Variants in ALMS1 observed in about 807,000 individuals in gnomAD.
ALMS1 encodes ALMS1 centrosome and basal body associated protein.
A neutral mutation model predicts 352.2 loss-of-function variants in ALMS1; 271 were observed. That is an observed-to-expected ratio of 0.77 (90% confidence interval 0.70 to 0.85). The LOEUF is 0.85. Ranked by LOEUF, ALMS1 falls within the 40% of genes least tolerant of loss-of-function variation. The pLI, the probability that ALMS1 is intolerant of heterozygous loss-of-function variation, is 0.00. For synonymous variants in ALMS1, 1,865 were observed against 1,761.2 expected (o/e 1.06, Z -1.48); for missense variants, 5,445 against 4,870.7 (o/e 1.12, Z -3.51).
rs927758031 is a variant in ALMS1, at chr2:73,463,197, G to C, written c.7674+7902G>C. 2.0e-5 allele frequency among the ~76,000 whole-genome samples: 3 copies of C among 152,128 alleles called. No homozygotes were observed. The East Asian group carries it at 5.8e-4, about 29-fold the overall frequency. ...CCGCACCTATTCCAAAACTGACCAC[G>C]TAGTTGGAAGTAAAGCACTCTCAGC... On this transcript the variant is annotated intron_variant, in intron 9 of 22. Coordinates refer to ENST00000613296, the MANE Select transcript of ALMS1 (RefSeq NM_001378454.1).
intron 1 of ALMS1, among the ~76,000 whole-genome samples, chr2:73,394,082 A>G (rs961817211): frequency 1.3e-5 from 2 of 151,978 alleles, no homozygotes; most frequent in South Asian, 2.1e-4. Context: ...CGGCCTCTCA[A>G]TGTGCTGGGA....
chr2:73,454,269 G>A (rs1572939238), intron 8 of ALMS1: 2 of 970,576 alleles, frequency 2.1e-6, no homozygotes, highest in East Asian at 1.1e-4. Context: ...TCCATAAAAA[G>A]CCTATTTAAC....
intron 13 of ALMS1, among the ~76,000 whole-genome samples, chr2:73,551,407 G>A (rs150688640): frequency 1.4e-5 from 2 of 146,646 alleles, no homozygotes; most frequent in Non-Finnish European, 3.0e-5. Context: ...TGATCACTGT[G>A]GGTATTTGAG....
chr2:73,539,956 T>C lies in ALMS1; in HGVS notation c.9907+5007T>C, dbSNP rs553021690. On this transcript the variant is annotated intron_variant, in intron 12 of 22. Coordinates refer to ENST00000613296, the MANE Select transcript of ALMS1 (RefSeq NM_001378454.1). The stretch of plus-strand genomic sequence containing the variant: ...AGTTGGAAAATACTCTGCAGGATAT[T>C]ATCCAGGAGAACTTCCCCAATCTAG... 7.9e-5 allele frequency among the ~76,000 whole-genome samples: 12 copies of C among 152,318 alleles called. 1 individual carries two copies. Among genetic ancestry groups the C allele is most frequent in the African/African-American group, 2.9e-4 (12 of 41,570 alleles).
rs1320374 is a variant in ALMS1, at chr2:73,601,183, T to C, written c.11873-12T>C. The C allele has an allele frequency of 0.62, 1,001,888 of 1,613,652 alleles. 318,554 individuals are homozygous for C. Among genetic ancestry groups the C allele is most frequent in the East Asian group, 0.74 (32,985 of 44,866 alleles). The stretch of plus-strand genomic sequence containing the variant: ...AAAAATCTGTGTTCCTTCTAAAAAC[T>C]GTTTCCTGTAGGAGTTTCCTGGTTT... On this transcript the variant is annotated splice_polypyrimidine_tract_variant and intron_variant, in intron 18 of 22. Transcript: ENST00000613296.
chr2:73,592,545 G>A (rs1675455672), intron 16 of ALMS1, among the ~76,000 whole-genome samples: 1 of 152,190 alleles, frequency 6.6e-6, no homozygotes, highest in African/African-American at 2.4e-5. Flanking sequence ...CTAAGCCTGA[G>A]TGATTATAAA....
chr2:73,524,449 TA>T (rs1673746944), intron 11 of ALMS1, among the ~76,000 whole-genome samples: 1 of 152,226 alleles, frequency 6.6e-6, no homozygotes, highest in South Asian at 2.1e-4. Context: ...TTGGTTATTT[TA>T]TTTTTTAAGT....
chr2:73,485,072 G>A (rs1340163205), intron 9 of ALMS1, among the ~76,000 whole-genome samples: 6 of 152,146 alleles, frequency 3.9e-5, no homozygotes, highest in African/African-American at 4.8e-5. Flanking sequence ...TCTTCTCTCA[G>A]CTCGTCAAAG....
chr2:73,599,144 G>T (rs1675616854), intron 16 of ALMS1, among the ~76,000 whole-genome samples: 1 of 152,126 alleles, frequency 6.6e-6, no homozygotes, highest in Non-Finnish European at 1.5e-5. Flanking sequence ...ATTCTCTTCA[G>T]AGTTTTTCCA....
At chr2:73,575,490 A>AT (rs936081363) in intron 16 of ALMS1, among the ~76,000 whole-genome samples, 15 of 152,186 alleles carry the variant, frequency 9.9e-5, no homozygotes, top group African/African-American at 3.4e-4. Context: ...CTTATTTTCC[A>AT]TTTTTTAATA....
chr2:73,432,705 AAG>A, intron 7 of ALMS1, among the ~76,000 whole-genome samples: 1 of 152,194 alleles, frequency 6.6e-6, no homozygotes, highest in East Asian at 1.9e-4. Flanking sequence ...TGCTTTCCAA[AAG>A]CCTTACCTCC....
intron 12 of ALMS1, among the ~76,000 whole-genome samples, chr2:73,539,008 T>G (rs1295274412): frequency 1.3e-5 from 2 of 152,136 alleles, no homozygotes; most frequent in Non-Finnish European, 2.9e-5. Context: ...GACTTAAATG[T>G]CCCTGTCTGA....
chr2:73,531,785 G>A lies in ALMS1; in HGVS notation c.9782-3039G>A, dbSNP rs535257337. Among the ~76,000 whole-genome samples, 15 of 152,324 alleles carry A rather than the reference G, an allele frequency of 9.8e-5. No individual in the cohort carries two copies. The East Asian group carries it at 1.2e-3, about 12-fold the overall frequency. ...GCCTCAGGAAACTTACAATCATGGC[G>A]GAAGGTGAAGGGGAAGCAAGACACA... On this transcript the variant is annotated intron_variant, in intron 11 of 22. Transcript: ENST00000613296.
intron 12 of ALMS1, among the ~76,000 whole-genome samples, chr2:73,538,316 T>G (rs142921984): frequency 3.9e-4 from 59 of 152,182 alleles, no homozygotes; most frequent in African/African-American, 1.4e-3. Flanking sequence ...CTCTATATCA[T>G]TAATCATGAG....
chr2:73,509,703 A>C (rs1378598407), intron 10 of ALMS1, among the ~76,000 whole-genome samples: 1 of 151,878 alleles, frequency 6.6e-6, no homozygotes, highest in Non-Finnish European at 1.5e-5. Context: ...TTTTTCCTTC[A>C]TTTCAACCTT....
chr2:73,567,448 A>G (rs1674827478), intron 15 of ALMS1, among the ~76,000 whole-genome samples: 1 of 152,230 alleles, frequency 6.6e-6, no homozygotes. Context: ...AGTTCTGGCC[A>G]GGAGCTAGGG....
intron 10 of ALMS1, among the ~76,000 whole-genome samples, chr2:73,494,110 A>G (rs1273159223): frequency 6.6e-6 from 1 of 152,194 alleles, no homozygotes; most frequent in Non-Finnish European, 1.5e-5. Context: ...AGGCACTCAT[A>G]ATATGACACC....
chr2:73,583,747 C>T (rs552756653), intron 16 of ALMS1, among the ~76,000 whole-genome samples: 2 of 152,234 alleles, frequency 1.3e-5, no homozygotes, highest in East Asian at 3.9e-4. Context: ...ATCCTTTTCC[C>T]ACTGAGTGGT....
At chr2:73,423,275 A>G (rs998410782) in intron 4 of ALMS1, among the ~76,000 whole-genome samples, 2 of 152,118 alleles carry the variant, frequency 1.3e-5, no homozygotes, top group African/African-American at 4.8e-5. Context: ...AAACCTCCCC[A>G]TCTGCTGCCC....
Sources: allele counts gnomAD v4.1 joint callset (sites outside exome capture counted in the v4.1 genomes callset), GRCh38; gene constraint gnomAD v4.1.1; transcripts MANE v1.5; gene names NCBI Gene and HGNC (gene_info 2026-07-23, HGNC 2026-07-21).